The following PTPRD variants were observed in gnomAD, a reference collection of about 807,000 sequenced individuals.
PTPRD encodes protein tyrosine phosphatase receptor type D, also known as receptor-type tyrosine-protein phosphatase delta.
Under a neutral mutation model 214.5 loss-of-function variants are expected in PTPRD, and 34 were observed. The observed-to-expected ratio is 0.16, with a 90% CI of 0.12 to 0.21. PTPRD has a LOEUF of 0.21. Ranked by LOEUF, PTPRD falls within the 10% of genes least tolerant of loss-of-function variation. The pLI, the probability that PTPRD is intolerant of heterozygous loss-of-function variation, is 1.00. For synonymous variants in PTPRD, 1,128 were observed against 845.7 expected (o/e 1.33, Z -5.79); for missense variants, 2,545 against 2,398.7 (o/e 1.06, Z -1.27).
intron 10 of PTPRD, chr9:9,090,887 G>T (rs193209771): frequency 3.6e-6 from 4 of 1,109,230 alleles, no homozygotes; most frequent in Non-Finnish European, 4.1e-6. Context: ...TCTCCGGTCC[G>T]TGCCTCCAAG....
At chr9:10,593,426 A>G (rs937124224) in intron 2 of PTPRD, among the ~76,000 whole-genome samples, 2 of 152,086 alleles carry the variant, frequency 1.3e-5, no homozygotes, top group Non-Finnish European at 2.9e-5. Context: ...AATTCCTACA[A>G]TTAAAAAGGT....
intron 11 of PTPRD, among the ~76,000 whole-genome samples, chr9:8,925,880 T>C (rs1190816791): frequency 1.4e-5 from 2 of 140,606 alleles, no homozygotes; most frequent in African/African-American, 5.3e-5. Context: ...TTTTTTTTAC[T>C]GATCTCTTGC....
intron 3 of PTPRD, among the ~76,000 whole-genome samples, chr9:10,184,180 T>C (rs981953885): frequency 1.3e-5 from 2 of 152,152 alleles, no homozygotes; most frequent in African/African-American, 2.4e-5. Flanking sequence ...AACCCAGTAT[T>C]TTGGGAGGCC....
intron 5 of PTPRD, among the ~76,000 whole-genome samples, chr9:9,810,505 G>A (rs560713423): frequency 1.3e-5 from 2 of 151,650 alleles, no homozygotes; most frequent in Non-Finnish European, 2.9e-5. Flanking sequence ...AATCTACTCT[G>A]TCGGTGCTCT....
At chr9:10,362,711 C>A (rs1321413524) in intron 2 of PTPRD, among the ~76,000 whole-genome samples, 1 of 152,018 alleles carries the variant, frequency 6.6e-6, no homozygotes, top group Non-Finnish European at 1.5e-5. Flanking sequence ...GAAACCCCGT[C>A]TCTATTAAAA....
At chr9:10,064,947 T>A (rs533432447) in intron 3 of PTPRD, among the ~76,000 whole-genome samples, 2 of 151,980 alleles carry the variant, frequency 1.3e-5, no homozygotes, top group Non-Finnish European at 2.9e-5. Context: ...CCACAGTGAC[T>A]TTCCTAAAAT....
chr9:8,576,099 A>G (rs987311661), intron 14 of PTPRD, among the ~76,000 whole-genome samples: 1 of 152,216 alleles, frequency 6.6e-6, no homozygotes, highest in Admixed American at 6.5e-5. Context: ...CTGTTTATCT[A>G]TCCTTATAAC....
At chr9:9,570,643 C>T (rs2086080931) in intron 8 of PTPRD, among the ~76,000 whole-genome samples, 1 of 151,540 alleles carries the variant, frequency 6.6e-6, no homozygotes. Flanking sequence ...TTCAAGACAG[C>T]TATTTGTGTT....
intron 11 of PTPRD, among the ~76,000 whole-genome samples, chr9:9,016,832 A>G (rs903725996): frequency 6.6e-6 from 1 of 152,158 alleles, no homozygotes; most frequent in African/African-American, 2.4e-5. Flanking sequence ...CAACTTGCTC[A>G]AATACCGTAG....
intron 4 of PTPRD, among the ~76,000 whole-genome samples, chr9:10,018,894 T>C (rs1315128112): frequency 6.6e-6 from 1 of 152,130 alleles, no homozygotes; most frequent in Non-Finnish European, 1.5e-5. Context: ...CACAATACTT[T>C]AAGGGTATTT....
chr9:9,579,560 C>CT (rs141173280), intron 7 of PTPRD, among the ~76,000 whole-genome samples: 3,402 of 152,064 alleles, frequency 0.022, 139 homozygotes, highest in African/African-American at 0.077. Flanking sequence ...CATGCATGAT[C>CT]TTTTTTCCCT....
At chr9:10,020,323 G>C (rs1466358885) in intron 4 of PTPRD, among the ~76,000 whole-genome samples, 2 of 150,496 alleles carry the variant, frequency 1.3e-5, no homozygotes, top group East Asian at 3.9e-4. Flanking sequence ...TTTTTTCTTT[G>C]ACGGAGTCTT....
chr9:8,526,795 G>A, intron 16 of PTPRD, 151 bp from the exon 17 acceptor site: 1 of 579,722 alleles, frequency 1.7e-6, no homozygotes, highest in African/African-American at 1.9e-5. Context: ...TGGTAAAACA[G>A]GAATATATTA....
intron 3 of PTPRD, among the ~76,000 whole-genome samples, chr9:10,270,960 C>G (rs553914424): frequency 6.6e-6 from 1 of 152,012 alleles, no homozygotes; most frequent in South Asian, 2.1e-4. Context: ...CCTCCCAGGA[C>G]TAGAAGAGTG....
At chr9:10,171,618 G>A (rs1469242022) in intron 3 of PTPRD, among the ~76,000 whole-genome samples, 3 of 152,080 alleles carry the variant, frequency 2.0e-5, no homozygotes, top group African/African-American at 7.2e-5. Context: ...TCCGCCTCCC[G>A]GGTTCACGCC....
At chr9:10,006,780 G>C (rs1025737970) in intron 4 of PTPRD, among the ~76,000 whole-genome samples, 6 of 151,816 alleles carry the variant, frequency 4.0e-5, no homozygotes, top group African/African-American at 1.5e-4. Flanking sequence ...GCTGGTCAAA[G>C]ACTTACTACA....
chr9:9,757,790 C>T (rs1417737278), intron 6 of PTPRD, among the ~76,000 whole-genome samples: 1 of 152,068 alleles, frequency 6.6e-6, no homozygotes, highest in East Asian at 1.9e-4. Flanking sequence ...AGCCATCCTT[C>T]CAAAAATATG....
At chr9:9,609,907 T>C (rs181047749) in intron 7 of PTPRD, among the ~76,000 whole-genome samples, 1 of 152,266 alleles carries the variant, frequency 6.6e-6, no homozygotes, top group East Asian at 1.9e-4. Context: ...TATAAAAAAA[T>C]AAGAACATTT....
At chr9:9,048,082 A>T (rs1251558433) in intron 10 of PTPRD, among the ~76,000 whole-genome samples, 1 of 152,174 alleles carries the variant, frequency 6.6e-6, no homozygotes, top group African/African-American at 2.4e-5. Flanking sequence ...GAGAAATGCA[A>T]ATTAAAACTA....
Sources: gnomAD v4.1 joint callset for allele counts (sites outside exome capture counted in the v4.1 genomes callset) on GRCh38, gnomAD v4.1.1 for gene constraint, MANE v1.5 for transcripts, NCBI Gene and HGNC (gene_info 2026-07-23, HGNC 2026-07-21) for gene names.